Variants in BRF1 observed in about 807,000 individuals in gnomAD.
BRF1 encodes BRF1 general transcription factor IIIB subunit.
BRF1 carries 59 observed loss-of-function variants against 81.7 expected under a neutral mutation model. The ratio of observed to expected loss-of-function variants is 0.72; its 90% CI spans 0.59 to 0.90. The LOEUF (loss-of-function observed/expected upper bound fraction) is 0.90, where lower values mean the gene tolerates loss of function less well. Ranked by LOEUF, BRF1 falls within the 40% of genes least tolerant of loss-of-function variation. The pLI is 0.00. For missense variants in BRF1, 1,050 were observed against 936.3 expected (o/e 1.12, Z -1.58); for synonymous variants, 491 against 395.6 (o/e 1.24, Z -2.86).
rs766151249 is a variant in BRF1 at position 105,211,102 on chromosome 14, T to C, written c.1996+20A>G. 1.9e-6 allele frequency: 3 copies of C among 1,611,342 alleles called. No homozygotes were observed. Among genetic ancestry groups the C allele is most frequent in the Admixed American group, 3.3e-5 (2 of 59,950 alleles). ...CCTTTATTTCCCTTGAACCCCTCCC[T>C]GTTGTCGGGCCCCACCCACCGTTGC... On this transcript the variant is annotated intron_variant, in intron 17 of 17. Coordinates refer to ENST00000547530, the MANE Select transcript of BRF1 (RefSeq NM_001519.4).
chr14:105,248,942 C>A lies in BRF1; in HGVS notation c.544+3565G>T, dbSNP rs944842617. The A allele has an allele frequency of 7.1e-5, 70 of 980,034 alleles. No homozygotes were observed. In the African/African-American group the frequency reaches 8.9e-4, roughly 12 times the overall value. 60.7% of individuals were successfully genotyped at this position (980,034 alleles called of 1,614,324 possible). ...TAGCCAACAGCAACGCCGGCGCCGCCGTGGGCAGGAAGGCCGGGCCGCGCA... is the reference window on the plus strand; with the variant it reads ...TAGCCAACAGCAACGCCGGCGCCGCAGTGGGCAGGAAGGCCGGGCCGCGCA... On this transcript the variant is annotated intron_variant, in intron 5 of 17. Transcript: ENST00000547530.
At chr14:105,260,102 T>C (rs1303178394) in intron 3 of BRF1, among the ~76,000 whole-genome samples, 1 of 152,180 alleles carries the variant, frequency 6.6e-6, no homozygotes, top group Admixed American at 6.5e-5. Context: ...GGTGACCGTT[T>C]GTCAGAACTC....
At position 105,227,073 on chromosome 14, in the gene BRF1, G is replaced by C; in HGVS notation, c.789-313C>G. On this transcript the variant is annotated intron_variant, in intron 7 of 17. Coordinates refer to ENST00000547530, the MANE Select transcript of BRF1 (RefSeq NM_001519.4). ...TGAGGCTGTAACGAGCTGTGATAGC[G>C]CCACTGGCCTCCAGCCTGGGCAGCA... 3 of 313,658 alleles carry C rather than the reference G, an allele frequency of 9.6e-6. No homozygotes were observed. In the South Asian group the frequency reaches 1.0e-4, roughly 11 times the overall value. 19.4% of individuals were successfully genotyped at this position (313,658 alleles called of 1,614,324 possible).
chr14:105,209,959 C>T lies in BRF1; in HGVS notation c.*592G>A. 3.1e-6 allele frequency: 1 copy of T among 317,792 alleles called. No homozygotes were observed. Among genetic ancestry groups the T allele is most frequent in the Non-Finnish European group, 5.7e-6 (1 of 174,040 alleles). 19.7% of individuals were successfully genotyped at this position (317,792 alleles called of 1,614,324 possible). On this transcript the variant is annotated 3_prime_UTR_variant, in exon 18 of 18. Transcript: ENST00000547530. ...GTGGGGGTGTCTGCCTCGGACGAGG[C>T]AGGTATCTGGATGCAGGGCCACAGC...
chr14:105,211,240 C>G lies in BRF1; in HGVS notation c.1878G>C (p.Ala626=). 1 of 1,609,556 alleles carries G rather than the reference C, an allele frequency of 6.2e-7. No homozygotes were observed. Among genetic ancestry groups the G allele is most frequent in the Non-Finnish European group, 8.5e-7 (1 of 1,178,504 alleles). ...TLGAEPARPQ[A]VLVESGPVSY... is the part of the protein sequence containing the mutation. ...ACACGGGCCCGCTCTCCACCAGCAC[C>G]GCCTGGGGCCTGGCAGGCTCAGCTC... is the stretch of plus-strand genomic sequence containing the variant. Residue 626 remains alanine (A), a synonymous_variant, in exon 17 of 18, where the codon GCG becomes GCC. Transcript: ENST00000547530.
rs587710126 is a variant in BRF1, at chr14:105,222,719, C to T, written c.1049-805G>A. Among the ~76,000 whole-genome samples, 4 of 152,200 alleles carry T rather than the reference C, an allele frequency of 2.6e-5. 1 individual carries two copies. The South Asian group carries it at 8.3e-4, about 32-fold the overall frequency. On this transcript the variant is annotated intron_variant, in intron 10 of 17. Transcript: ENST00000547530. ...TCTCGGCTCACTGCAAGCTCCGCCTCCCGGGTTCACGCCATTCTCCTGCCT... is the reference window on the plus strand; with the variant it reads ...TCTCGGCTCACTGCAAGCTCCGCCTTCCGGGTTCACGCCATTCTCCTGCCT...
chr14:105,287,960 G>C (rs2057376685), intron 1 of BRF1, among the ~76,000 whole-genome samples: 2 of 152,238 alleles, frequency 1.3e-5, no homozygotes, highest in African/African-American at 4.8e-5. Context: ...GAGGCCCAGA[G>C]CCGGCCTCCT....
At chr14:105,270,331 G>A (rs1194708887) in intron 3 of BRF1, among the ~76,000 whole-genome samples, 8 of 151,758 alleles carry the variant, frequency 5.3e-5, no homozygotes, top group Non-Finnish European at 8.8e-5. Flanking sequence ...CTGCCACCAC[G>A]CCCGGCTAAT....
At chr14:105,262,382 G>A (rs151075357) in intron 3 of BRF1, among the ~76,000 whole-genome samples, 21 of 152,284 alleles carry the variant, frequency 1.4e-4, no homozygotes, top group African/African-American at 5.1e-4. Context: ...GAGACCTGCT[G>A]GCTGCCCTTT....
Position 105,221,974 on chromosome 14 carries a change from C to CA in BRF1, c.1049-61dup, listed in dbSNP as rs142259715. On this transcript the variant is annotated intron_variant, in intron 10 of 17. Transcript: ENST00000547530. Reference sequence around the variant, plus strand: ...AGGGCCAGGGTGCCCGCTTTTGTGACAAAAAACAATGCTACCAAGCTGCCA... The same window carrying CA: ...AGGGCCAGGGTGCCCGCTTTTGTGACAAAAAAACAATGCTACCAAGCTGCCA... 2.7e-3 allele frequency: 3,972 copies of CA among 1,495,574 alleles called. 96 individuals carry two copies. The African/African-American group carries it at 0.051, about 19-fold the overall frequency. The allele number at this position is 1,495,574 out of a possible 1,614,324, so 92.6% of individuals were successfully genotyped here.
intron 15 of BRF1, among the ~76,000 whole-genome samples, chr14:105,213,934 A>G (rs1890589011): frequency 6.6e-6 from 1 of 152,192 alleles, no homozygotes; most frequent in Non-Finnish European, 1.5e-5. Context: ...GCCAGGCCAC[A>G]CGGGAGGGCC....
chr14:105,309,056 G>A lies in BRF1; in HGVS notation c.-162+6266C>T, dbSNP rs2058273769. Among the ~76,000 whole-genome samples the A allele has an allele frequency of 6.6e-6, 1 of 152,208 alleles. No individual in the cohort carries two copies. The highest frequency in any genetic ancestry group is 2.4e-5 in the African/African-American group (1 of 41,452). ...ATCCTGCACGAAGAGCACTGAGGTTGAGTGTTGGTTGACACGTGTTGCGGT... is the reference window on the plus strand; with the variant it reads ...ATCCTGCACGAAGAGCACTGAGGTTAAGTGTTGGTTGACACGTGTTGCGGT... On this transcript the variant is annotated intron_variant, in intron 1 of 17. Coordinates refer to the BRF1 transcript ENST00000327359. The surrounding 1 kb of genome is among the most constrained non-coding windows in gnomAD (Gnocchi z 4.0).
chr14:105,243,513 G>A (rs1052946678), intron 5 of BRF1, among the ~76,000 whole-genome samples: 1 of 151,548 alleles, frequency 6.6e-6, no homozygotes, highest in Non-Finnish European at 1.5e-5. Flanking sequence ...AGCTACTGAG[G>A]AGGCTGAGGC....
At position 105,252,520 on chromosome 14, in the gene BRF1, A is replaced by G. The variant is rs751649537; in HGVS notation, c.531T>C (p.Asn177=). The stretch of plus-strand genomic sequence containing the variant: ...CCAGATGCCTACCTATGGCCGGCGC[A>G]TTGATGCAGAGCTCTCTTGCCAAGA... ...FLLLARELCI[N]APAIDPCLYI... is the part of the protein sequence containing the mutation. Residue 177 remains asparagine (N), a synonymous_variant, in exon 5 of 18, where the codon AAT becomes AAC. Coordinates refer to ENST00000547530, the MANE Select transcript of BRF1 (RefSeq NM_001519.4). 6.2e-6 allele frequency: 10 copies of G among 1,613,820 alleles called. No homozygotes were observed. The highest frequency in any genetic ancestry group is 3.3e-5 in the Admixed American group (2 of 59,994).
intron 3 of BRF1, among the ~76,000 whole-genome samples, chr14:105,257,786 C>G (rs1314605349): frequency 1.3e-5 from 2 of 152,148 alleles, no homozygotes; most frequent in Non-Finnish European, 2.9e-5. Flanking sequence ...GAAAAGTGAA[C>G]GAGGCCAGAA....
intron 5 of BRF1, 41 bp from the exon 6 acceptor site, chr14:105,241,455 C>A: frequency 6.2e-7 from 1 of 1,605,588 alleles, no homozygotes; most frequent in Non-Finnish European, 8.5e-7. Context: ...CTCCATGTGC[C>A]ATGGCACGTG....
chr14:105,210,099 C>CGCCG lies in BRF1; in HGVS notation c.*448_*451dup. On this transcript the variant is annotated 3_prime_UTR_variant, in exon 18 of 18. Transcript: ENST00000547530. This position sits in a 1 kb window ranked among gnomAD's most constrained non-coding sequence, Gnocchi z 4.7. ...CTTCCACTCTGGCAGAGGCTGCTGG[C>CGCCG]GCCGAGTGCTGCTCAGGAGGGGACG... The CGCCG allele has an allele frequency of 4.7e-6, 1 of 213,478 alleles. No individual in the cohort carries two copies. Among genetic ancestry groups the CGCCG allele is most frequent in the Non-Finnish European group, 9.3e-6 (1 of 107,274 alleles). 13.2% of individuals were successfully genotyped at this position (213,478 alleles called of 1,614,324 possible).
At position 105,261,516 on chromosome 14, in the gene BRF1, C is replaced by A. The variant is rs372139149; in HGVS notation, c.440-4967G>T. 2.0e-4 allele frequency among the ~76,000 whole-genome samples: 30 copies of A among 152,320 alleles called. No individual in the cohort carries two copies. The East Asian group carries it at 2.7e-3, about 14-fold the overall frequency. On this transcript the variant is annotated intron_variant, in intron 3 of 17. Transcript: ENST00000547530. The stretch of plus-strand genomic sequence containing the variant: ...CCACACCCTGGCTGGCTGCACGATG[C>A]TTGCAGGGAGAAAAACTGCAGATGG...
At position 105,211,295 on chromosome 14, in the gene BRF1, TG is replaced by T; in HGVS notation, c.1825-3del. On this transcript the variant is annotated splice_polypyrimidine_tract_variant and splice_region_variant and intron_variant, in intron 16 of 17. Transcript: ENST00000547530. ...GGTGGGAGAGCTTGGGAGCAAAGCCTGGAACGAAGTGGGGCTCTGACACACA... is the reference window on the plus strand; with the variant it reads ...GGTGGGAGAGCTTGGGAGCAAAGCCTGAACGAAGTGGGGCTCTGACACACA... The T allele has an allele frequency of 6.3e-7, 1 of 1,588,174 alleles. No individual in the cohort carries two copies.
Sources: gnomAD v4.1 joint callset for allele counts (sites outside exome capture counted in the v4.1 genomes callset) on GRCh38, gnomAD v4.1.1 for gene constraint, Gnocchi (gnomAD v3.1) non-coding constraint, MANE v1.5 for transcripts, NCBI Gene and HGNC (gene_info 2026-07-23, HGNC 2026-07-21) for gene names.